The following ARMH3 variants were observed in gnomAD, a reference collection of about 807,000 sequenced individuals.
The protein encoded by ARMH3 is armadillo like helical domain containing 3, also known as armadillo-like helical domain-containing protein 3.
Under a neutral mutation model 99.1 loss-of-function variants are expected in ARMH3, and 60 were observed. That is an observed-to-expected ratio of 0.61 (90% CI 0.49 to 0.75). The LOEUF (loss-of-function observed/expected upper bound fraction) is 0.75. Among genes scored for constraint, ARMH3 ranks in the 30% least tolerant of loss-of-function variants. The probability of loss-of-function intolerance (pLI) is 0.00; values close to 1 mark genes in which losing one functional copy is unlikely to be tolerated. For missense variants in ARMH3, 679 were observed against 843.1 expected (o/e 0.81, Z 2.41); for synonymous variants, 285 against 292.8 (o/e 0.97, Z 0.27).
intron 8 of ARMH3, among the ~76,000 whole-genome samples, chr10:102,020,684 A>G (rs1292656406): frequency 2.2e-5 from 3 of 134,740 alleles, no homozygotes; most frequent in African/African-American, 5.7e-5. Context: ...TCCATCTCAG[A>G]AAAAAAAAAA....
chr10:101,880,178 T>C (rs1264686287), intron 24 of ARMH3, among the ~76,000 whole-genome samples: 2 of 152,232 alleles, frequency 1.3e-5, no homozygotes, highest in Non-Finnish European at 2.9e-5. Context: ...AAAAACATGA[T>C]GCCAAGCACA....
At chr10:102,025,506 G>A (rs1231792947) in intron 5 of ARMH3, among the ~76,000 whole-genome samples, 7 of 152,180 alleles carry the variant, frequency 4.6e-5, no homozygotes, top group Non-Finnish European at 8.8e-5. Context: ...TTGCACAAGA[G>A]AGTAAAGAAT....
At chr10:101,853,918 G>T (rs953727513) in intron 24 of ARMH3, among the ~76,000 whole-genome samples, 8 of 152,168 alleles carry the variant, frequency 5.3e-5, no homozygotes, top group Non-Finnish European at 1.2e-4. Flanking sequence ...TTCGAGACCA[G>T]CCTGGCCAAG....
At chr10:101,851,905 C>T (rs1215534316) in intron 24 of ARMH3, among the ~76,000 whole-genome samples, 1 of 152,196 alleles carries the variant, frequency 6.6e-6, no homozygotes, top group Non-Finnish European at 1.5e-5. Context: ...TGGTACCCAG[C>T]AACAGCAGTC....
At chr10:101,859,435 C>T (rs2066812758) in intron 24 of ARMH3, among the ~76,000 whole-genome samples, 1 of 152,200 alleles carries the variant, frequency 6.6e-6, no homozygotes, top group Admixed American at 6.5e-5. Flanking sequence ...ACCTGAAAGG[C>T]AGATTCTTCA....
intron 24 of ARMH3, among the ~76,000 whole-genome samples, chr10:101,878,405 C>G (rs2067321580): frequency 1.3e-5 from 2 of 151,716 alleles, no homozygotes; most frequent in African/African-American, 4.8e-5. Flanking sequence ...GAGGCCAAAG[C>G]AGAAGAACTG....
chr10:101,987,411 G>A (rs1319358394), intron 19 of ARMH3, among the ~76,000 whole-genome samples: 1 of 152,144 alleles, frequency 6.6e-6, no homozygotes, highest in Non-Finnish European at 1.5e-5. Context: ...AGTCAGCATA[G>A]TCACTCTATA....
intron 23 of ARMH3, among the ~76,000 whole-genome samples, chr10:101,906,802 C>T (rs904051334): frequency 2.0e-5 from 3 of 152,174 alleles, no homozygotes; most frequent in African/African-American, 7.2e-5. Flanking sequence ...CAAGACCATG[C>T]TGGTAGTAAA....
At chr10:101,973,944 A>T (rs1183069849) in intron 20 of ARMH3, among the ~76,000 whole-genome samples, 1 of 152,214 alleles carries the variant, frequency 6.6e-6, no homozygotes, top group Non-Finnish European at 1.5e-5. Context: ...CCTAACAATC[A>T]TACAACTATC....
At chr10:101,875,883 T>C (rs1191228615) in intron 24 of ARMH3, among the ~76,000 whole-genome samples, 1 of 152,186 alleles carries the variant, frequency 6.6e-6, no homozygotes, top group Non-Finnish European at 1.5e-5. Context: ...CACAGGTCCT[T>C]ACCTTGCACA....
chr10:101,968,283 C>A (rs1015138693), intron 20 of ARMH3, among the ~76,000 whole-genome samples: 2 of 152,062 alleles, frequency 1.3e-5, no homozygotes, highest in East Asian at 3.9e-4. Context: ...TTCCCCCCAC[C>A]GTTTCCTAAA....
intron 20 of ARMH3, among the ~76,000 whole-genome samples, chr10:101,967,897 A>G (rs940897739): frequency 1.3e-5 from 2 of 152,224 alleles, no homozygotes; most frequent in African/African-American, 4.8e-5. Flanking sequence ...AGGTGAACAC[A>G]GCACACAAGT....
chr10:102,041,090 A>AATATATATATATATATATATATATATAAT lies in ARMH3; in HGVS notation c.-11-966_-11-965insATTATATATATATATATATATATATATAT, dbSNP rs59124276. Among the ~76,000 whole-genome samples, 23 of 132,636 alleles carry AATATATATATATATATATATATATATAAT rather than the reference A, an allele frequency of 1.7e-4. 1 individual carries two copies. The highest frequency in any genetic ancestry group is 7.2e-4 in the South Asian group (3 of 4,162). The allele number at this position is 132,636 out of a possible 152,430, so 87.0% of individuals were successfully genotyped here. A position where few individuals can be genotyped will look rare whatever the true frequency, so the allele number is the denominator to read the frequency against. ...ATTGTGTGTACATATATATATATAT[A>AATATATATATATATATATATATATATAAT]ATATATATATATATATATATATGTA... On this transcript the variant is annotated intron_variant, in intron 1 of 25. Transcript: ENST00000370033.
intron 23 of ARMH3, among the ~76,000 whole-genome samples, chr10:101,923,598 A>G (rs1238050974): frequency 6.6e-6 from 1 of 152,252 alleles, no homozygotes; most frequent in African/African-American, 2.4e-5. Flanking sequence ...AGTGAAGAGC[A>G]TCTTCTTTCT....
intron 24 of ARMH3, among the ~76,000 whole-genome samples, chr10:101,887,592 C>CT (rs34624064): frequency 0.046 from 4,465 of 96,926 alleles, 258 homozygotes; most frequent in Non-Finnish European, 0.065. Flanking sequence ...CTCTCTCTCT[C>CT]TTTTTTTTTT....
At chr10:101,872,416 GC>G (rs1276811077) in intron 24 of ARMH3, among the ~76,000 whole-genome samples, 1 of 152,200 alleles carries the variant, frequency 6.6e-6, no homozygotes, top group Admixed American at 6.5e-5. Flanking sequence ...AGCTGCTCTA[GC>G]CGGGCACAGT....
intron 23 of ARMH3, among the ~76,000 whole-genome samples, chr10:101,916,279 T>C (rs1843083551): frequency 6.6e-6 from 1 of 152,142 alleles, no homozygotes; most frequent in Admixed American, 6.5e-5. Context: ...TAATTGTGCT[T>C]TCCTTCTCAA....
In ARMH3 at chr10:101,867,096, C is replaced by A. The variant is rs375254739; in HGVS notation, c.1861-17204G>T. 1.1e-4 allele frequency among the ~76,000 whole-genome samples: 16 copies of A among 152,248 alleles called. No individual in the cohort carries two copies. In the South Asian group the frequency reaches 3.1e-3, roughly 30 times the overall value. ...GCAATTGGGTTTATGATGAGGAGTG[C>A]CCTTATCTATAAACCTTTAAGCCCT... On this transcript the variant is annotated intron_variant, in intron 24 of 25. Coordinates refer to ENST00000370033, the MANE Select transcript of ARMH3 (RefSeq NM_024541.3).
intron 23 of ARMH3, among the ~76,000 whole-genome samples, chr10:101,892,285 A>C (rs551354380): frequency 2.3e-3 from 343 of 151,532 alleles, no homozygotes; most frequent in Non-Finnish European, 4.0e-3. Flanking sequence ...TCTCTACAAA[A>C]TAAAAATAAT....
Sources: allele counts gnomAD v4.1 joint callset (sites outside exome capture counted in the v4.1 genomes callset), GRCh38; gene constraint gnomAD v4.1.1; transcripts MANE v1.5; gene names NCBI Gene and HGNC (gene_info 2026-07-23, HGNC 2026-07-21).